FRMPD3: variants seen among roughly 807,000 people sequenced by gnomAD.
The protein encoded by FRMPD3 is FERM and PDZ domain-containing protein 3.
Under a neutral mutation model 97.9 loss-of-function variants are expected in FRMPD3, and 42 were observed. The ratio of observed to expected loss-of-function variants is 0.43; its 90% confidence interval spans 0.34 to 0.55. The LOEUF (loss-of-function observed/expected upper bound fraction) is 0.55, where lower values mean the gene tolerates loss of function less well. Among genes scored for constraint, FRMPD3 ranks in the 20% least tolerant of loss-of-function variants. FRMPD3 has a pLI of 0.03. For missense variants in FRMPD3, 1,303 were observed against 1,457.7 expected (o/e 0.89, Z 1.73); for synonymous variants, 577 against 581.1 (o/e 0.99, Z 0.10).
chrX:107,565,252 A>G (rs1922550837), intron 12 of FRMPD3, among the ~76,000 whole-genome samples, 186 bp downstream of exon 12: 1 of 112,234 alleles, frequency 8.9e-6, no homozygotes, highest in Admixed American at 9.4e-5. Context: ...CATTTTGACC[A>G]CATAATAAGG....
At chrX:107,482,875 GAAAGTTGC>G (rs1036648704) in intron 1 of FRMPD3, among the ~76,000 whole-genome samples, 1 of 111,474 alleles carries the variant, frequency 9.0e-6, no homozygotes, top group Non-Finnish European at 1.9e-5. Context: ...AGTAAAAACA[GAAAGTTGC>G]AAAGTTGTTG....
chrX:107,491,980 A>G (rs898094601), intron 1 of FRMPD3, among the ~76,000 whole-genome samples: 1 of 107,146 alleles, frequency 9.3e-6, no homozygotes, highest in Non-Finnish European at 1.9e-5. Context: ...GCCCACTGAC[A>G]TCCCTTGCTG....
chrX:107,501,366 T>C (rs767290667), intron 1 of FRMPD3, among the ~76,000 whole-genome samples: 27 of 84,248 alleles, frequency 3.2e-4, no homozygotes, highest in African/African-American at 1.3e-3. Flanking sequence ...TTTTTTTTTT[T>C]TTTTTTTTTT....
intron 8 of FRMPD3, among the ~76,000 whole-genome samples, chrX:107,555,829 A>G (rs1425137762): frequency 8.9e-6 from 1 of 112,086 alleles, no homozygotes; most frequent in African/African-American, 3.2e-5. Flanking sequence ...AAGACCACAC[A>G]GTGCTAAGGA....
chrX:107,470,007 G>A (rs188141251), intron 1 of FRMPD3, among the ~76,000 whole-genome samples: 102 of 111,653 alleles, frequency 9.1e-4, no homozygotes, highest in African/African-American at 3.3e-3. Flanking sequence ...CCTTCCGCCA[G>A]CATCTAAAAT....
At chrX:107,455,861 T>A (rs1458095873) in intron 1 of FRMPD3, among the ~76,000 whole-genome samples, 3 of 111,541 alleles carry the variant, frequency 2.7e-5, no homozygotes, top group Non-Finnish European at 5.6e-5. Flanking sequence ...ATCTTTGAAT[T>A]TACAGTGCCT....
chrX:107,594,317 C>T (rs1052262591), intron 13 of FRMPD3, among the ~76,000 whole-genome samples: 4 of 111,700 alleles, frequency 3.6e-5, no homozygotes, highest in Non-Finnish European at 7.5e-5. Context: ...AGTGACAATT[C>T]GACTTCCTCT....
intron 14 of FRMPD3, among the ~76,000 whole-genome samples, chrX:107,598,999 G>A: frequency 8.9e-6 from 1 of 111,956 alleles, no homozygotes; most frequent in Non-Finnish European, 1.9e-5. Flanking sequence ...AGAGCTGGGC[G>A]TGGTGGCTCA....
intron 1 of FRMPD3, among the ~76,000 whole-genome samples, chrX:107,465,384 T>C (rs1468005472): frequency 9.0e-6 from 1 of 110,852 alleles, no homozygotes. Context: ...GGGAGGAGAA[T>C]GACTTGAACC....
intron 1 of FRMPD3, among the ~76,000 whole-genome samples, chrX:107,521,543 A>G (rs1042499440): frequency 8.9e-6 from 1 of 112,932 alleles, no homozygotes; most frequent in African/African-American, 3.2e-5. Flanking sequence ...TTACAGGAAG[A>G]AAGGTTTGTG....
chrX:107,602,872 C>T lies in FRMPD3; in HGVS notation c.4833C>T (p.Ser1611=). The change falls in exon 15 of 15, where the codon AGC becomes AGT. Residue 1611 remains serine, a synonymous_variant. Transcript: ENST00000683843. ...LLTVLRQCVA[S]PEARAPKPYV... is the part of the protein sequence containing the mutation. ...CAGTCCTGCGGCAGTGTGTGGCCAG[C>T]CCCGAGGCCCGTGCCCCCAAGCCCT... 2 of 1,210,465 alleles carry T rather than the reference C, an allele frequency of 1.7e-6. No individual in the cohort carries two copies. The highest frequency in any genetic ancestry group is 2.2e-6 in the Non-Finnish European group (2 of 895,091).
chrX:107,487,643 T>C (rs1050429487), intron 1 of FRMPD3, among the ~76,000 whole-genome samples: 2 of 111,685 alleles, frequency 1.8e-5, no homozygotes, highest in Admixed American at 9.4e-5. Context: ...GACCAGAGTT[T>C]CTAAACTTCC....
At position 107,602,948 on chromosome X, in the gene FRMPD3, G is replaced by A. The variant is rs1418016910; in HGVS notation, c.4909G>A (p.Glu1637Lys). Residue 1637 changes from glutamate to lysine, a missense_variant, in exon 15 of 15, where the codon GAG (glutamate) becomes AAG (lysine). Glu to Lys is a moderately conservative substitution (Grantham distance 56, BLOSUM62 1). Transcript: ENST00000683843. ...GCTTGAGCTAGCTCTCAAGTTCAAG[G>A]AGCTCCGGGCCTCCTGCCGCCGTGT... ...YKLELALKFKELRASCRRVAN... is the reference protein window; with the variant it reads ...YKLELALKFKKLRASCRRVAN... The A allele has an allele frequency of 8.3e-7, 1 of 1,209,960 alleles. No homozygotes were observed. Among genetic ancestry groups the A allele is most frequent in the Non-Finnish European group, 1.1e-6 (1 of 895,277 alleles).
At chrX:107,536,570 G>A (rs981438699) in intron 4 of FRMPD3, among the ~76,000 whole-genome samples, 7 of 111,229 alleles carry the variant, frequency 6.3e-5, no homozygotes, top group African/African-American at 2.0e-4. Flanking sequence ...TCATGTACCC[G>A]TTGAAGGGCA....
rs756024962 is a variant in FRMPD3 at position 107,533,511 on chromosome X, T to C, written c.258T>C (p.Ala86=). The C allele has an allele frequency of 8.3e-7, 1 of 1,208,261 alleles. No individual in the cohort carries two copies. Among genetic ancestry groups the C allele is most frequent in the Admixed American group, 2.2e-5 (1 of 45,962 alleles). ...RERLIELIRS[A]KEFIVLTVLH... ...TTCCCTCTTTTCTCTGTAGGAGCGC[T>C]AAGGAATTCATCGTTCTTACAGTTC... is the stretch of plus-strand genomic sequence containing the variant. Residue 86 remains alanine, a synonymous_variant, in exon 4 of 15, where the codon GCT becomes GCC. Coordinates refer to ENST00000683843, the MANE Select transcript of FRMPD3 (RefSeq NM_001388459.1).
Position 107,597,609 on chromosome X carries a change from C to T in FRMPD3, c.1730C>T (p.Pro577Leu), listed in dbSNP as rs895845333. The part of the protein sequence containing the change: ...KSSGQGYEVV[P>L]DDFDAASLDH... ...TCTGGCCAAGGTTATGAGGTAGTCC[C>T]TGATGACTTTGATGCAGCTAGCCTA... The change falls in exon 14 of 15, where the codon CCT (proline) becomes CTT (leucine). Residue 577 changes from proline to leucine, a missense_variant. Pro to Leu is a moderately conservative substitution (Grantham distance 98, BLOSUM62 -3). Around this residue, in one of 3 missense-constraint regions of FRMPD3, gnomAD observed 535 missense variants for 618.6 expected, o/e 0.86. Coordinates refer to ENST00000683843, the MANE Select transcript of FRMPD3 (RefSeq NM_001388459.1). 2.5e-6 allele frequency: 3 copies of T among 1,209,119 alleles called. No individual in the cohort carries two copies. The highest frequency in any genetic ancestry group is 1.7e-5 in the African/African-American group (1 of 57,215).
intron 14 of FRMPD3, among the ~76,000 whole-genome samples, chrX:107,599,376 C>A (rs968666613): frequency 8.9e-6 from 1 of 111,795 alleles, no homozygotes; most frequent in Non-Finnish European, 1.9e-5. Flanking sequence ...GAGAGCCTGC[C>A]TTTTCCATGT....
Position 107,603,968 on chromosome X carries a change from C to T in FRMPD3, c.*595C>T, listed in dbSNP as rs41304066. ...GGCTGTTTGCAGCGGCCCAACTGGCCGGCAGCCTGGTGAGCCCTCACCTCC... is the reference window on the plus strand; with the variant it reads ...GGCTGTTTGCAGCGGCCCAACTGGCTGGCAGCCTGGTGAGCCCTCACCTCC... On this transcript the variant is annotated 3_prime_UTR_variant, in exon 15 of 15. Transcript: ENST00000683843. The T allele has an allele frequency of 0.11, 12,418 of 110,901 alleles. 815 individuals carry two copies. The highest frequency in any genetic ancestry group is 0.17 in the Non-Finnish European group (8,912 of 52,859). The allele number at this position is 110,901 out of a possible 1,213,427, so 9.1% of individuals were successfully genotyped here.
chrX:107,538,847 C>T (rs1602788876), intron 4 of FRMPD3, among the ~76,000 whole-genome samples: 1 of 111,941 alleles, frequency 8.9e-6, no homozygotes, highest in South Asian at 3.7e-4. Context: ...TTAGTAGAGA[C>T]GATGTTTCGC....
Sources: gnomAD v4.1 joint callset for allele counts (sites outside exome capture counted in the v4.1 genomes callset) on GRCh38, gnomAD v4.1.1 for gene constraint, gnomAD v4.1.1 regional missense constraint, MANE v1.5 for transcripts, NCBI Gene and HGNC (gene_info 2026-07-23, HGNC 2026-07-21) for gene names.